The following DNAI1 variants were observed in gnomAD, a reference collection of about 807,000 sequenced individuals.
DNAI1 encodes the protein dynein axonemal intermediate chain 1.
A neutral mutation model predicts 92.0 loss-of-function variants in DNAI1; 67 were observed. The observed-to-expected ratio is 0.73, with a 90% CI of 0.60 to 0.89. The LOEUF (loss-of-function observed/expected upper bound fraction) is 0.89, where lower values mean the gene tolerates loss of function less well. DNAI1 is among the 40% of genes least tolerant of loss of function. The pLI, the probability that DNAI1 is intolerant of heterozygous loss-of-function variation, is 0.00. For synonymous variants in DNAI1, 323 were observed against 319.6 expected, an observed-to-expected ratio of 1.01 and a Z score of -0.11; for missense variants, 839 against 866.6, an observed-to-expected ratio of 0.97 and a Z score of 0.40.
chr9:34,485,056 G>A, intron 2 of DNAI1, 86 bp from the exon 3 acceptor site: 2 of 1,325,390 alleles, frequency 1.5e-6, no homozygotes, highest in Non-Finnish European at 2.2e-6. Flanking sequence ...CTTGGCTTCT[G>A]GGAGTGTTTG....
chr9:34,490,613 G>A (rs75759209), intron 7 of DNAI1, 125 bp downstream of exon 7: 1 of 1,354,062 alleles, frequency 7.4e-7, no homozygotes, highest in East Asian at 2.3e-5. Context: ...AGATGCTACA[G>A]CTTATCTCCC....
At chr9:34,471,299 A>G (rs959367283) in intron 1 of DNAI1, among the ~76,000 whole-genome samples, 1 of 151,382 alleles carries the variant, frequency 6.6e-6, no homozygotes, top group African/African-American at 2.4e-5. Flanking sequence ...GTGGCATTTG[A>G]CTGTAGTCCC....
intron 1 of DNAI1, among the ~76,000 whole-genome samples, chr9:34,468,594 G>C (rs748459238): frequency 7.2e-5 from 11 of 151,988 alleles, no homozygotes; most frequent in Non-Finnish European, 1.5e-4. Context: ...GGGAGGATGA[G>C]ACGGGAGGAT....
At chr9:34,480,868 C>T (rs754994694) in intron 1 of DNAI1, among the ~76,000 whole-genome samples, 5 of 151,896 alleles carry the variant, frequency 3.3e-5, no homozygotes, top group Non-Finnish European at 7.4e-5. Flanking sequence ...ATTGCTTGAA[C>T]CTGGGAGGTG....
At chr9:34,492,491 A>AATATATATATATAT (rs1824621849) in intron 8 of DNAI1, among the ~76,000 whole-genome samples, 1 of 27,750 alleles carries the variant, frequency 3.6e-5, no homozygotes, top group Admixed American at 4.3e-4. Flanking sequence ...TGGGGATATG[A>AATATATATATATAT]AGATATATAT....
chr9:34,496,190 C>T (rs59898077), intron 9 of DNAI1, among the ~76,000 whole-genome samples: 24,599 of 152,130 alleles, frequency 0.16, 2,464 homozygotes, highest in East Asian at 0.36. Context: ...CCAGAGGTTG[C>T]CACCGGGTTC....
At chr9:34,506,562 G>A (rs964056102) in intron 12 of DNAI1, 65 bp from the exon 13 acceptor site, 1 of 1,609,966 alleles carries the variant, frequency 6.2e-7, no homozygotes, top group Non-Finnish European at 8.5e-7. Flanking sequence ...GGGTAGGGGT[G>A]AGGGGGCTTC....
Position 34,490,502 on chromosome 9 carries a change from C to G in DNAI1, c.621+14C>G. 1 of 1,613,808 alleles carries G rather than the reference C, an allele frequency of 6.2e-7. No homozygotes were observed. On this transcript the variant is annotated intron_variant, in intron 7 of 19. Transcript: ENST00000242317. The stretch of plus-strand genomic sequence containing the variant: ...AACCCTGTCCGGGTAGAGCAGCCCC[C>G]ACCCTAGCCCCTTTGCAGCTCTTCA...
intron 10 of DNAI1, among the ~76,000 whole-genome samples, chr9:34,499,402 T>C (rs532595264): frequency 8.9e-4 from 136 of 152,378 alleles, no homozygotes; most frequent in Non-Finnish European, 1.5e-3. Context: ...CAAGAACTAC[T>C]TCACTTCTGT....
At chr9:34,465,967 A>T (rs1364362278) in intron 1 of DNAI1, among the ~76,000 whole-genome samples, 2 of 152,214 alleles carry the variant, frequency 1.3e-5, no homozygotes, top group East Asian at 3.8e-4. Flanking sequence ...TCTGGTTTGT[A>T]TGGTGGATTT....
chr9:34,507,235 C>T (rs1824954044), intron 13 of DNAI1, among the ~76,000 whole-genome samples: 2 of 152,272 alleles, frequency 1.3e-5, no homozygotes, highest in South Asian at 2.1e-4. Context: ...GAATGAGGGA[C>T]ACTGACCCCC....
At chr9:34,518,856 G>C (rs1825217612) in intron 19 of DNAI1, among the ~76,000 whole-genome samples, 1 of 140,544 alleles carries the variant, frequency 7.1e-6, no homozygotes, top group Non-Finnish European at 1.6e-5. Flanking sequence ...GACATGGGTG[G>C]GAGCCTGCCC....
chr9:34,460,420 T>G (rs1449258455), intron 1 of DNAI1, among the ~76,000 whole-genome samples: 1 of 152,226 alleles, frequency 6.6e-6, no homozygotes, highest in Non-Finnish European at 1.5e-5. Flanking sequence ...TACTTATGAC[T>G]TTGCATATTT....
intron 1 of DNAI1, among the ~76,000 whole-genome samples, chr9:34,482,311 C>T (rs369185187): frequency 1.3e-4 from 19 of 145,318 alleles, no homozygotes; most frequent in East Asian, 2.0e-4. Context: ...GATTGGTGCA[C>T]TCACAAACCT....
At chr9:34,519,743 G>A (rs541080646) in intron 19 of DNAI1, among the ~76,000 whole-genome samples, 8 of 152,312 alleles carry the variant, frequency 5.3e-5, no homozygotes, top group East Asian at 3.9e-4. Flanking sequence ...CCAAGGTAAG[G>A]CTGGGGTAGG....
At chr9:34,485,014 T>C (rs760719452) in intron 2 of DNAI1, 128 bp from the exon 3 acceptor site, 15 of 884,256 alleles carry the variant, frequency 1.7e-5, no homozygotes, top group Non-Finnish European at 2.4e-5. Flanking sequence ...TGGTATGTTA[T>C]ACATTTTGTA....
chr9:34,485,710 G>A (rs1243636769), intron 4 of DNAI1, among the ~76,000 whole-genome samples, 193 bp downstream of exon 4: 1 of 152,164 alleles, frequency 6.6e-6, no homozygotes, highest in Non-Finnish European at 1.5e-5. Flanking sequence ...CTCCCTTGCA[G>A]TCTTGCTGAT....
intron 13 of DNAI1, among the ~76,000 whole-genome samples, chr9:34,510,880 C>T (rs1182605049): frequency 4.6e-5 from 7 of 152,186 alleles, no homozygotes; most frequent in Admixed American, 4.6e-4. Context: ...CTGTGGCGCT[C>T]TCAGTCCAGT....
At chr9:34,507,380 T>C (rs1468210480) in intron 13 of DNAI1, among the ~76,000 whole-genome samples, 2 of 152,252 alleles carry the variant, frequency 1.3e-5, no homozygotes, top group Non-Finnish European at 2.9e-5. Context: ...TTATGTACTG[T>C]ATCCTTACAA....
Sources: gnomAD v4.1 joint callset for allele counts (sites outside exome capture counted in the v4.1 genomes callset) on GRCh38, gnomAD v4.1.1 for gene constraint, MANE v1.5 for transcripts, NCBI Gene and HGNC (gene_info 2026-07-23, HGNC 2026-07-21) for gene names.